The following DLC1 variants were observed in gnomAD, a reference collection of about 807,000 sequenced individuals.
The protein encoded by DLC1 is DLC1 Rho GTPase activating protein.
In DLC1, 54 loss-of-function variants were observed where a neutral mutation model predicts 140.3. The ratio of observed to expected loss-of-function variants is 0.38; its 90% CI spans 0.31 to 0.48. The LOEUF is 0.48. Among genes scored for constraint, DLC1 ranks in the 20% least tolerant of loss-of-function variants. The pLI, the probability that DLC1 is intolerant of heterozygous loss-of-function variation, is 0.96. For missense variants in DLC1, 2,536 were observed against 1,907.0 expected, an observed-to-expected ratio of 1.33 and a Z score of -6.14; for synonymous variants, 986 against 728.1, an observed-to-expected ratio of 1.35 and a Z score of -5.70.
At chr8:13,329,600 A>G (rs1313163366) in intron 4 of DLC1, among the ~76,000 whole-genome samples, 4 of 152,168 alleles carry the variant, frequency 2.6e-5, no homozygotes, top group Non-Finnish European at 4.4e-5. Flanking sequence ...TTTTGGGGTG[A>G]CTTGGTTTAG....
At chr8:13,398,939 A>G (rs1837171602) in intron 3 of DLC1, among the ~76,000 whole-genome samples, 1 of 152,172 alleles carries the variant, frequency 6.6e-6, no homozygotes, top group South Asian at 2.1e-4. Context: ...GGAAGGCAAG[A>G]GTGTTAAGAG....
chr8:13,526,945 A>T (rs1802938057), intron 1 of DLC1, among the ~76,000 whole-genome samples: 1 of 152,224 alleles, frequency 6.6e-6, no homozygotes, highest in African/African-American at 2.4e-5. Context: ...TTCATAAAAA[A>T]ATTCCTGTAA....
At chr8:13,417,666 A>T (rs1838135468) in intron 2 of DLC1, among the ~76,000 whole-genome samples, 1 of 152,142 alleles carries the variant, frequency 6.6e-6, no homozygotes, top group South Asian at 2.1e-4. Context: ...TGCCGCAATA[A>T]ACATACGTCT....
intron 2 of DLC1, among the ~76,000 whole-genome samples, chr8:13,414,969 C>T (rs1204178646): frequency 6.6e-6 from 1 of 151,996 alleles, no homozygotes; most frequent in Non-Finnish European, 1.5e-5. Context: ...CGCCACCATG[C>T]CTGGCTAATT....
At chr8:13,402,167 T>C (rs551409378) in intron 2 of DLC1, among the ~76,000 whole-genome samples, 1 of 152,294 alleles carries the variant, frequency 6.6e-6, no homozygotes, top group African/African-American at 2.4e-5. Context: ...CTTACTAAAA[T>C]CTCTTCTCTT....
At chr8:13,192,036 G>C (rs1463279483) in intron 5 of DLC1, among the ~76,000 whole-genome samples, 1 of 151,524 alleles carries the variant, frequency 6.6e-6, no homozygotes. Flanking sequence ...CTGCCTCCCG[G>C]GTTCCAGAGG....
chr8:13,086,755 G>T (rs985485982), intron 16 of DLC1, among the ~76,000 whole-genome samples: 17 of 152,226 alleles, frequency 1.1e-4, no homozygotes, highest in Non-Finnish European at 2.5e-4. Flanking sequence ...TGGGTTCCAT[G>T]GCTCACGCCT....
chr8:13,542,590 G>A (rs1803522020), intron 1 of DLC1, among the ~76,000 whole-genome samples: 1 of 152,056 alleles, frequency 6.6e-6, no homozygotes, highest in African/African-American at 2.4e-5. Context: ...TTGATCAAAT[G>A]TCACCTCAAC....
intron 4 of DLC1, among the ~76,000 whole-genome samples, chr8:13,314,787 A>T (rs550100015): frequency 6.6e-6 from 1 of 152,294 alleles, no homozygotes; most frequent in Non-Finnish European, 1.5e-5. Flanking sequence ...GACAAACCGT[A>T]ATCTTGTTCA....
At chr8:13,604,405 C>T (rs887108953) in intron 1 of DLC1, 1 of 152,140 alleles carries the variant, frequency 6.6e-6, no homozygotes, top group Non-Finnish European at 1.5e-5. Flanking sequence ...CCTTCTATAA[C>T]TTCATTTCAT....
chr8:13,493,968 C>A (rs1275224458), intron 2 of DLC1, among the ~76,000 whole-genome samples: 2 of 152,070 alleles, frequency 1.3e-5, no homozygotes, highest in African/African-American at 2.4e-5. Flanking sequence ...CAGTCATAGA[C>A]AATGTATTAT....
At chr8:13,355,539 G>C (rs1263013494) in intron 4 of DLC1, among the ~76,000 whole-genome samples, 1 of 152,152 alleles carries the variant, frequency 6.6e-6, no homozygotes, top group East Asian at 1.9e-4. Flanking sequence ...CTCTCTGGTG[G>C]CTCTTCTTAT....
chr8:13,499,607 T>C lies in DLC1; in HGVS notation c.465A>G (p.Gln155=), dbSNP rs749703093. 1.2e-5 allele frequency: 19 copies of C among 1,614,018 alleles called. No homozygotes were observed. In the African/African-American group the frequency reaches 2.4e-4, roughly 20 times the overall value. ...GSLEKALPII[Q]SNQVSSNSWG... ...AGGAGTTAGAAGAAACTTGGTTACT[T>C]TGTATGATGGGCAGTGCCTTTTCTA... Residue 155 remains glutamine (Q), a synonymous_variant, in exon 2 of 18, where the codon CAA becomes CAG. Transcript: ENST00000276297.
intron 4 of DLC1, among the ~76,000 whole-genome samples, chr8:13,387,140 T>C (rs1210943184): frequency 6.6e-6 from 1 of 152,040 alleles, no homozygotes; most frequent in Admixed American, 6.5e-5. Context: ...GTTGACTGTT[T>C]CTTTCCTCAG....
At chr8:13,537,779 G>T (rs1398374588) in intron 1 of DLC1, among the ~76,000 whole-genome samples, 1 of 149,402 alleles carries the variant, frequency 6.7e-6, no homozygotes, top group South Asian at 2.1e-4. Context: ...TCAGCCTCCT[G>T]AGTAGCTAGG....
chr8:13,098,354 A>G, intron 10 of DLC1, 45 bp downstream of exon 10: 1 of 1,606,454 alleles, frequency 6.2e-7, no homozygotes, highest in African/African-American at 1.3e-5. Context: ...AACTGACCAA[A>G]AATATCATTT....
chr8:13,191,181 A>G (rs183698914), intron 5 of DLC1, among the ~76,000 whole-genome samples: 130 of 152,328 alleles, frequency 8.5e-4, no homozygotes, highest in African/African-American at 3.1e-3. Context: ...TAGGAAGCCA[A>G]AGATAAATTG....
intron 4 of DLC1, chr8:13,340,068 G>A (rs904197438): frequency 2.0e-5 from 3 of 152,272 alleles, no homozygotes; most frequent in Non-Finnish European, 4.4e-5. Context: ...GGGTGGGCTT[G>A]GGCGTTAGGG....
chr8:13,117,820 C>T (rs1820695202), intron 5 of DLC1, among the ~76,000 whole-genome samples: 2 of 152,330 alleles, frequency 1.3e-5, no homozygotes, highest in African/African-American at 4.8e-5. Flanking sequence ...GCCAATCCTG[C>T]CAGAGCATGC....
Sources: allele counts gnomAD v4.1 joint callset (sites outside exome capture counted in the v4.1 genomes callset), GRCh38; gene constraint gnomAD v4.1.1; transcripts MANE v1.5; gene names NCBI Gene and HGNC (gene_info 2026-07-23, HGNC 2026-07-21).